The following SCN11A variants were observed in gnomAD, a reference collection of about 807,000 sequenced individuals.
The protein encoded by SCN11A is sodium channel protein type 11 subunit alpha.
SCN11A carries 122 observed loss-of-function variants against 162.2 expected under a neutral mutation model. The observed-to-expected ratio is 0.75, with a 90% CI of 0.65 to 0.87. The LOEUF is 0.87. Among genes scored for constraint, SCN11A ranks in the 40% least tolerant of loss-of-function variants. The pLI is 0.00. For missense variants in SCN11A, 2,015 were observed against 2,181.6 expected (o/e 0.92, Z 1.52); for synonymous variants, 758 against 751.5 (o/e 1.01, Z -0.14).
At chr3:38,889,114 T>C (rs191057839) in intron 19 of SCN11A, among the ~76,000 whole-genome samples, 2 of 152,204 alleles carry the variant, frequency 1.3e-5, no homozygotes, top group South Asian at 2.1e-4. Flanking sequence ...TTAAAAAAAA[T>C]ACAGCCTACA....
At chr3:39,004,179 T>A (rs1021708925) in intron 2 of SCN11A, among the ~76,000 whole-genome samples, 2 of 152,222 alleles carry the variant, frequency 1.3e-5, no homozygotes, top group East Asian at 3.8e-4. Flanking sequence ...CTTTAATCCA[T>A]CTTGAGTTGA....
intron 27 of SCN11A, among the ~76,000 whole-genome samples, chr3:38,865,467 T>C (rs1290880534): frequency 2.6e-5 from 4 of 152,124 alleles, no homozygotes; most frequent in Non-Finnish European, 2.9e-5. Context: ...AGAAGGCTAA[T>C]TGGTATCAAG....
At chr3:38,861,863 T>C (rs1264782454) in intron 28 of SCN11A, among the ~76,000 whole-genome samples, 2 of 151,878 alleles carry the variant, frequency 1.3e-5, no homozygotes, top group Non-Finnish European at 2.9e-5. Flanking sequence ...CAAATGCAAA[T>C]GCAACAAAAA....
chr3:38,863,354 T>C lies in SCN11A; in HGVS notation c.3952-55A>G. 5 of 871,576 alleles carry C rather than the reference T, an allele frequency of 5.7e-6. No homozygotes were observed. In the South Asian group the frequency reaches 7.6e-5, roughly 13 times the overall value. The allele number at this position is 871,576 out of a possible 1,614,324, so 54.0% of individuals were successfully genotyped here. A position where few individuals can be genotyped will look rare whatever the true frequency, so the allele number is the denominator to read the frequency against. On this transcript the variant is annotated intron_variant, in intron 27 of 29. Coordinates refer to ENST00000302328, the MANE Select transcript of SCN11A (RefSeq NM_001349253.2). Reference sequence around the variant, plus strand: ...TTTAACAGTTTTTTTTTTAATCTAGTTCTGAATTTTTTGACACAATTTTAA... The same window carrying C: ...TTTAACAGTTTTTTTTTTAATCTAGCTCTGAATTTTTTGACACAATTTTAA...
intron 2 of SCN11A, among the ~76,000 whole-genome samples, chr3:38,991,280 G>A (rs2030444298): frequency 6.6e-6 from 1 of 152,142 alleles, no homozygotes; most frequent in South Asian, 2.1e-4. Flanking sequence ...GACCAAGCCA[G>A]GGCCAGTCCT....
intron 7 of SCN11A, among the ~76,000 whole-genome samples, chr3:38,936,695 C>T (rs984463588): frequency 6.6e-6 from 1 of 152,034 alleles, no homozygotes; most frequent in African/African-American, 2.4e-5. Context: ...AGGAGAACTA[C>T]AAACCGCTGC....
rs2066137506 is a variant in SCN11A, at chr3:38,926,175, A to C, written c.617+628T>G. 2.0e-5 allele frequency among the ~76,000 whole-genome samples: 3 copies of C among 152,170 alleles called. 1 individual carries two copies. In the South Asian group the frequency reaches 6.2e-4, roughly 32 times the overall value. ...GACTCCATTTCATCATTCAGATTCCAAATCAGTGTCTTTCCTTCAGGAAGA... is the reference window on the plus strand; with the variant it reads ...GACTCCATTTCATCATTCAGATTCCCAATCAGTGTCTTTCCTTCAGGAAGA... On this transcript the variant is annotated intron_variant, in intron 8 of 29. Transcript: ENST00000302328.
intron 1 of SCN11A, among the ~76,000 whole-genome samples, chr3:39,042,957 CAAA>C (rs561204433): frequency 1.5e-5 from 1 of 66,030 alleles, no homozygotes; most frequent in African/African-American, 4.4e-5. Flanking sequence ...AACTCCATCT[CAAA>C]AAAAAAAAAA....
intron 7 of SCN11A, among the ~76,000 whole-genome samples, chr3:38,932,558 CAGG>C (rs1214946917): frequency 6.6e-6 from 1 of 152,214 alleles, no homozygotes; most frequent in African/African-American, 2.4e-5. Flanking sequence ...AATGGCGCAC[CAGG>C]AGATTATATC....
At chr3:38,902,489 G>A (rs193104726) in intron 16 of SCN11A, among the ~76,000 whole-genome samples, 5 of 152,050 alleles carry the variant, frequency 3.3e-5, no homozygotes, top group Admixed American at 6.5e-5. Flanking sequence ...TGGAACTAAG[G>A]ATGACAGGTA....
chr3:38,866,245 G>A (rs2065039332), intron 27 of SCN11A, among the ~76,000 whole-genome samples: 1 of 149,838 alleles, frequency 6.7e-6, no homozygotes, highest in Non-Finnish European at 1.5e-5. Context: ...TTGAGATGGA[G>A]TCTCGCTCTG....
chr3:39,043,877 T>C (rs2032118846), intron 1 of SCN11A, among the ~76,000 whole-genome samples: 1 of 152,100 alleles, frequency 6.6e-6, no homozygotes, highest in African/African-American at 2.4e-5. Flanking sequence ...AAAAGAAGGA[T>C]AAATGCTTGA....
chr3:38,996,810 C>A (rs1175799960), intron 2 of SCN11A, among the ~76,000 whole-genome samples: 1 of 152,172 alleles, frequency 6.6e-6, no homozygotes. Flanking sequence ...CATGGTGGTG[C>A]ATGCCTGTAG....
At chr3:38,957,946 C>T (rs564143809) in intron 3 of SCN11A, among the ~76,000 whole-genome samples, 80 of 152,220 alleles carry the variant, frequency 5.3e-4, no homozygotes, top group African/African-American at 1.8e-3. Context: ...GCTGTGGGAG[C>T]CCTGAGTGGG....
chr3:39,007,050 A>C (rs986956357), intron 2 of SCN11A, among the ~76,000 whole-genome samples: 3 of 152,150 alleles, frequency 2.0e-5, no homozygotes, highest in Non-Finnish European at 2.9e-5. Context: ...CAAAGGAAAA[A>C]TTCAAGAAAT....
At chr3:38,860,793 G>C (rs1253724889) in intron 28 of SCN11A, among the ~76,000 whole-genome samples, 6 of 152,134 alleles carry the variant, frequency 3.9e-5, no homozygotes, top group Admixed American at 3.3e-4. Flanking sequence ...ATACTGAACA[G>C]GTAATGGTTG....
chr3:38,908,478 T>C (rs183247853), intron 13 of SCN11A, among the ~76,000 whole-genome samples: 51 of 152,228 alleles, frequency 3.4e-4, no homozygotes, highest in Middle Eastern at 6.8e-3. Flanking sequence ...AGAGGATCAG[T>C]GCGAGTATAA....
intron 16 of SCN11A, among the ~76,000 whole-genome samples, chr3:38,903,293 TCCC>T (rs1452206566): frequency 6.6e-6 from 1 of 152,056 alleles, no homozygotes; most frequent in Non-Finnish European, 1.5e-5. Context: ...AAAAGTCTGC[TCCC>T]CTTAGTTTTC....
chr3:39,037,070 A>G (rs942398742), intron 1 of SCN11A, among the ~76,000 whole-genome samples: 1 of 152,230 alleles, frequency 6.6e-6, no homozygotes, highest in Non-Finnish European at 1.5e-5. Context: ...TTTGGAATCA[A>G]CCTAAGTGTT....
Sources: gnomAD v4.1 joint callset for allele counts (sites outside exome capture counted in the v4.1 genomes callset) on GRCh38, gnomAD v4.1.1 for gene constraint, MANE v1.5 for transcripts, NCBI Gene and HGNC (gene_info 2026-07-23, HGNC 2026-07-21) for gene names.